The following RFX3 variants were observed in gnomAD, a reference collection of about 807,000 sequenced individuals.
The protein encoded by RFX3 is transcription factor RFX3.
RFX3 carries 14 observed loss-of-function variants against 98.6 expected under a neutral mutation model. The observed-to-expected ratio is 0.14, with a 90% CI of 0.09 to 0.22. The LOEUF (loss-of-function observed/expected upper bound fraction) is 0.22. Among genes scored for constraint, RFX3 ranks in the 10% least tolerant of loss-of-function variants. The pLI, the probability that RFX3 is intolerant of heterozygous loss-of-function variation, is 1.00. For synonymous variants in RFX3, 383 were observed against 328.4 expected (o/e 1.17, Z -1.80); for missense variants, 639 against 926.9 (o/e 0.69, Z 4.03).
chr9:3,384,130 G>A (rs1217703730), intron 2 of RFX3, among the ~76,000 whole-genome samples: 2 of 152,208 alleles, frequency 1.3e-5, no homozygotes, highest in South Asian at 4.2e-4. Context: ...GTAAAGAGCT[G>A]CTATCAGGGG....
At chr9:3,332,100 A>C (rs1483657916) in intron 3 of RFX3, among the ~76,000 whole-genome samples, 2 of 152,132 alleles carry the variant, frequency 1.3e-5, no homozygotes, top group African/African-American at 2.4e-5. Context: ...GTTATCTTCT[A>C]AATAATTTTC....
intron 6 of RFX3, among the ~76,000 whole-genome samples, chr9:3,292,031 T>G (rs1337961809): frequency 9.6e-6 from 1 of 104,248 alleles, no homozygotes; most frequent in African/African-American, 3.9e-5. Context: ...CACTCCAGCC[T>G]GGCAACAGAA....
At chr9:3,520,570 A>T (rs1344167125) in intron 1 of RFX3, among the ~76,000 whole-genome samples, 1 of 152,252 alleles carries the variant, frequency 6.6e-6, no homozygotes, top group Non-Finnish European at 1.5e-5. Context: ...GTTTAAAAGT[A>T]TATGGCACAC....
rs760298514 is a variant in RFX3 at position 3,508,268 on chromosome 9, T to A, written c.-9+17479A>T. Among the ~76,000 whole-genome samples, 3 of 151,920 alleles carry A rather than the reference T, an allele frequency of 2.0e-5. No homozygotes were observed. In the South Asian group the frequency reaches 6.2e-4, roughly 31 times the overall value. On this transcript the variant is annotated intron_variant, in intron 1 of 16. Transcript: ENST00000617270. Reference sequence around the variant, plus strand: ...GTATTTAGTTACTCTGGTAACTCAATCTCTATATTCAAATCCCAATTTAAG... The same window carrying A: ...GTATTTAGTTACTCTGGTAACTCAAACTCTATATTCAAATCCCAATTTAAG...
At chr9:3,313,512 G>T (rs1830211070) in intron 4 of RFX3, among the ~76,000 whole-genome samples, 1 of 152,226 alleles carries the variant, frequency 6.6e-6, no homozygotes, top group African/African-American at 2.4e-5. Flanking sequence ...AAGCTGGATG[G>T]AGAATAATTT....
chr9:3,376,667 T>C (rs564084116), intron 2 of RFX3, among the ~76,000 whole-genome samples: 1 of 151,996 alleles, frequency 6.6e-6, no homozygotes, highest in South Asian at 2.1e-4. Flanking sequence ...ACCTACAGAA[T>C]GGGAGAAAAT....
intron 5 of RFX3, among the ~76,000 whole-genome samples, chr9:3,300,178 G>C (rs1233931680): frequency 6.6e-6 from 1 of 151,188 alleles, no homozygotes; most frequent in Non-Finnish European, 1.5e-5. Flanking sequence ...CAACATAGCA[G>C]GAATATACTT....
At chr9:3,229,606 G>A (rs959361288) in intron 15 of RFX3, among the ~76,000 whole-genome samples, 1 of 152,154 alleles carries the variant, frequency 6.6e-6, no homozygotes, top group Non-Finnish European at 1.5e-5. Flanking sequence ...GAATCTCAGG[G>A]TGAACAAAGA....
chr9:3,396,198 A>C (rs539263018), intron 1 of RFX3, among the ~76,000 whole-genome samples: 4 of 149,414 alleles, frequency 2.7e-5, no homozygotes, highest in African/African-American at 7.5e-5. Context: ...CCTCCCCTCC[A>C]CCCCACAACA....
chr9:3,288,058 T>A, intron 7 of RFX3, 73 bp downstream of exon 7: 4 of 1,424,378 alleles, frequency 2.8e-6, no homozygotes, highest in Non-Finnish European at 3.9e-6. Context: ...TAGGTATTTG[T>A]TCAGAAAAAA....
chr9:3,435,238 T>C (rs1845017226), intron 1 of RFX3, among the ~76,000 whole-genome samples: 1 of 152,050 alleles, frequency 6.6e-6, no homozygotes. Context: ...TAAATTAACA[T>C]TGGCTTACTG....
chr9:3,421,823 C>T (rs1169491406), intron 1 of RFX3, among the ~76,000 whole-genome samples: 1 of 152,172 alleles, frequency 6.6e-6, no homozygotes, highest in Admixed American at 6.5e-5. Flanking sequence ...CTCTGGTCTT[C>T]TATTCCTAAT....
At chr9:3,474,823 ATGG>A in intron 1 of RFX3, among the ~76,000 whole-genome samples, 1 of 152,324 alleles carries the variant, frequency 6.6e-6, no homozygotes. Context: ...GCAGCCAGGT[ATGG>A]TGGCTCATGC....
intron 15 of RFX3, among the ~76,000 whole-genome samples, chr9:3,236,564 C>T (rs765820781): frequency 3.3e-5 from 5 of 152,214 alleles, no homozygotes; most frequent in African/African-American, 1.2e-4. Context: ...TGTGTCAGCA[C>T]TTCTCAATGG....
At chr9:3,425,452 C>G (rs1212167175) in intron 1 of RFX3, among the ~76,000 whole-genome samples, 1 of 152,150 alleles carries the variant, frequency 6.6e-6, no homozygotes, top group Admixed American at 6.5e-5. Context: ...CCCACAGATT[C>G]AGCAAAACCT....
chr9:3,375,219 A>G (rs1838324960), intron 2 of RFX3, among the ~76,000 whole-genome samples: 1 of 152,214 alleles, frequency 6.6e-6, no homozygotes, highest in South Asian at 2.1e-4. Flanking sequence ...TGTCATCTCC[A>G]CTATGAAGAC....
intron 1 of RFX3, among the ~76,000 whole-genome samples, chr9:3,425,195 C>T (rs1843893727): frequency 6.6e-6 from 1 of 152,194 alleles, no homozygotes; most frequent in African/African-American, 2.4e-5. Context: ...CATGATCACA[C>T]ACCACTGCCC....
At chr9:3,265,333 G>A (rs1823486130) in intron 12 of RFX3, among the ~76,000 whole-genome samples, 1 of 152,190 alleles carries the variant, frequency 6.6e-6, no homozygotes, top group Admixed American at 6.6e-5. Flanking sequence ...CCTTCTATAT[G>A]TTTTAGAGAG....
chr9:3,369,133 T>C (rs1286452164), intron 2 of RFX3, among the ~76,000 whole-genome samples: 1 of 152,236 alleles, frequency 6.6e-6, no homozygotes, highest in Non-Finnish European at 1.5e-5. Flanking sequence ...TGAAGAGTGC[T>C]GGAACTATTC....
Sources: gnomAD v4.1 joint callset for allele counts (sites outside exome capture counted in the v4.1 genomes callset) on GRCh38, gnomAD v4.1.1 for gene constraint, MANE v1.5 for transcripts, NCBI Gene and HGNC (gene_info 2026-07-23, HGNC 2026-07-21) for gene names.